ARHGAP35: variants seen among roughly 807,000 people sequenced by gnomAD.
The protein encoded by ARHGAP35 is Rho GTPase activating protein 35, also known as rho GTPase-activating protein 35.
In ARHGAP35, 15 loss-of-function variants were observed where a neutral mutation model predicts 111.1. The ratio of observed to expected loss-of-function variants is 0.13; its 90% CI spans 0.09 to 0.21. The LOEUF is 0.21. Among genes scored for constraint, ARHGAP35 ranks in the 10% least tolerant of loss-of-function variants. The pLI is 1.00. For missense variants in ARHGAP35, 1,262 were observed against 1,873.0 expected (o/e 0.67, Z 6.02); for synonymous variants, 643 against 710.3 (o/e 0.91, Z 1.51).
intron 1 of ARHGAP35, among the ~76,000 whole-genome samples, chr19:46,896,968 A>T (rs2056060605): frequency 6.6e-6 from 1 of 151,680 alleles, no homozygotes; most frequent in Admixed American, 6.6e-5. Context: ...ATCTTAGCTC[A>T]CTGCAACCTC....
chr19:46,978,607 TGTG>T (rs34906643), intron 3 of ARHGAP35, among the ~76,000 whole-genome samples: 17,035 of 88,578 alleles, frequency 0.19, 2,808 homozygotes, highest in East Asian at 0.38. Flanking sequence ...GGGGGTGTGG[TGTG>T]GTGTGTGTGG....
chr19:46,902,528 C>G (rs1599807964), intron 1 of ARHGAP35, among the ~76,000 whole-genome samples: 1 of 152,252 alleles, frequency 6.6e-6, no homozygotes, highest in East Asian at 1.9e-4. Context: ...TCTGTGCCAT[C>G]TGCTCCCGGC....
At chr19:46,978,593 T>TG (rs1184719981) in intron 3 of ARHGAP35, among the ~76,000 whole-genome samples, 8 of 77,910 alleles carry the variant, frequency 1.0e-4, no homozygotes, top group Non-Finnish European at 1.6e-4. Flanking sequence ...GTGGGGCGTG[T>TG]GGGGGGGGTG....
In ARHGAP35 at chr19:46,871,872, C is replaced by T. The variant is rs183588039; in HGVS notation, c.-189+10663C>T. Among the ~76,000 whole-genome samples, 7 of 151,722 alleles carry T rather than the reference C, an allele frequency of 4.6e-5. No individual in the cohort carries two copies. In the East Asian group the frequency reaches 7.9e-4, roughly 17 times the overall value. On this transcript the variant is annotated intron_variant, in intron 1 of 6. Coordinates refer to ENST00000672722, the MANE Select transcript of ARHGAP35 (RefSeq NM_004491.5). ...GCGGGTGCCTGTAATCCCAGCTACT[C>T]GGGAGGCTGAGGCAGGAGAATCGCA...
chr19:46,899,152 C>T (rs1008292324), intron 1 of ARHGAP35, among the ~76,000 whole-genome samples: 6 of 152,094 alleles, frequency 3.9e-5, no homozygotes, highest in Admixed American at 2.0e-4. Flanking sequence ...ATGCATTTCT[C>T]ATAACGGAGA....
At chr19:46,987,105 A>G (rs1351199877) in intron 3 of ARHGAP35, among the ~76,000 whole-genome samples, 1 of 151,292 alleles carries the variant, frequency 6.6e-6, no homozygotes, top group South Asian at 2.1e-4. Context: ...TGGGATTACA[A>G]GCATGAGCCA....
rs544758007 is a variant in ARHGAP35, at chr19:46,875,194, CAT to C, written c.-189+13990_-189+13991del. Among the ~76,000 whole-genome samples the C allele has an allele frequency of 1.5e-3, 234 of 152,262 alleles. 3 individuals are homozygous for C. The highest frequency in any genetic ancestry group is 5.3e-3 in the African/African-American group (220 of 41,510). On this transcript the variant is annotated intron_variant, in intron 1 of 6. Transcript: ENST00000672722. Reference sequence around the variant, plus strand: ...GTTTTTATTTAACAAGACGTCTACACATATATCTATTAAATATTTATTTACTG... The same window carrying C: ...GTTTTTATTTAACAAGACGTCTACACATATCTATTAAATATTTATTTACTG...
chr19:46,967,139 A>G (rs2056520461), intron 3 of ARHGAP35, among the ~76,000 whole-genome samples: 1 of 150,798 alleles, frequency 6.6e-6, no homozygotes, highest in Non-Finnish European at 1.5e-5. Flanking sequence ...AGATCCCTAG[A>G]ATTGTAAGGG....
At chr19:46,960,420 G>A (rs1568480234) in intron 3 of ARHGAP35, among the ~76,000 whole-genome samples, 1 of 152,172 alleles carries the variant, frequency 6.6e-6, no homozygotes, top group African/African-American at 2.4e-5. Flanking sequence ...TAGACCCCTA[G>A]ATTCCTGTGG....
chr19:46,995,058 G>A (rs968401081), intron 5 of ARHGAP35, among the ~76,000 whole-genome samples: 1 of 152,132 alleles, frequency 6.6e-6, no homozygotes, highest in African/African-American at 2.4e-5. Context: ...TGCCACACAG[G>A]GCACAGACAC....
rs199897795 is a variant in ARHGAP35, at chr19:46,919,654, C to G, written c.979C>G (p.Arg327Gly). 5.6e-6 allele frequency: 9 copies of G among 1,613,932 alleles called. No homozygotes were observed. The East Asian group carries it at 2.0e-4, about 36-fold the overall frequency. The change falls in exon 2 of 7, where the codon CGC becomes GGC. Residue 327 changes from arginine (R) to glycine (G), a missense_variant. Around this residue, in one of 8 missense-constraint regions of ARHGAP35, gnomAD observed 328 missense variants for 440.8 expected, o/e 0.74. Transcript: ENST00000672722. The surrounding 1 kb of genome is among the most constrained non-coding windows in gnomAD (Gnocchi z 6.2). ...GAAGCTGTTTCTACAGCACATCCAC[C>G]GCCTCAAGCATGAGCATATCGAGCG... ...AKKLFLQHIH[R>G]LKHEHIERRR...
chr19:46,904,938 G>A (rs780911602), intron 1 of ARHGAP35, among the ~76,000 whole-genome samples: 4 of 152,290 alleles, frequency 2.6e-5, no homozygotes, highest in African/African-American at 9.6e-5. Flanking sequence ...AGGGCAGTGC[G>A]GGGGAGTGGA....
chr19:46,892,143 A>G (rs1243916192), intron 1 of ARHGAP35, among the ~76,000 whole-genome samples: 3 of 149,924 alleles, frequency 2.0e-5, no homozygotes, highest in Non-Finnish European at 4.4e-5. Flanking sequence ...AAAAAAAAAA[A>G]AAAAGAAAAA....
At position 46,932,938 on chromosome 19, in the gene ARHGAP35, A is replaced by G. The variant is rs187641393; in HGVS notation, c.3682-4326A>G. 3.9e-5 allele frequency among the ~76,000 whole-genome samples: 6 copies of G among 152,214 alleles called. No homozygotes were observed. The East Asian group carries it at 5.8e-4, about 15-fold the overall frequency. ...CCTTCCGTCTCTCTTATCGCTCCCA[A>G]TGTGACCCTTTGGAGCCATGTAAAA... On this transcript the variant is annotated intron_variant, in intron 2 of 6. Transcript: ENST00000672722.
At chr19:46,877,391 T>C (rs1461372192) in intron 1 of ARHGAP35, among the ~76,000 whole-genome samples, 1 of 151,606 alleles carries the variant, frequency 6.6e-6, no homozygotes, top group Non-Finnish European at 1.5e-5. Flanking sequence ...GGTGAAACCC[T>C]GTCTCTACTA....
intron 1 of ARHGAP35, among the ~76,000 whole-genome samples, chr19:46,917,230 A>C (rs2056169396): frequency 6.6e-6 from 1 of 152,168 alleles, no homozygotes; most frequent in Non-Finnish European, 1.5e-5. Flanking sequence ...AAGTGGAATC[A>C]TATAGTATTT....
chr19:46,976,826 G>C lies in ARHGAP35; in HGVS notation c.3827-11163G>C, dbSNP rs546270667. Among the ~76,000 whole-genome samples the C allele has an allele frequency of 1.4e-3, 211 of 152,288 alleles. 1 individual carries two copies. The highest frequency in any genetic ancestry group is 4.9e-3 in the African/African-American group (202 of 41,560). On this transcript the variant is annotated intron_variant, in intron 3 of 6. Coordinates refer to ENST00000672722, the MANE Select transcript of ARHGAP35 (RefSeq NM_004491.5). ...GACTGTGCCATTGAATTATCACCTG[G>C]GGGCTCCGGTGGCCCTTGCTCTTGC... is the stretch of plus-strand genomic sequence containing the variant.
In ARHGAP35 at chr19:46,994,219, G is replaced by T. The variant is rs146240730; in HGVS notation, c.4036+4544G>T. ...GCCCTGTCCCAGTAGGGACACCAGG[G>T]AGCCCATTGCCCCTGCTGTTTCTTT... On this transcript the variant is annotated intron_variant, in intron 5 of 6. Transcript: ENST00000672722. This position sits in a 1 kb window ranked among gnomAD's most constrained non-coding sequence, Gnocchi z 5.4. Among the ~76,000 whole-genome samples, 770 of 152,252 alleles carry T rather than the reference G, an allele frequency of 5.1e-3. 9 individuals are homozygous for T. Among genetic ancestry groups the T allele is most frequent in the African/African-American group, 0.018 (756 of 41,564 alleles).
At chr19:46,912,045 CTTT>C (rs952290963) in intron 1 of ARHGAP35, among the ~76,000 whole-genome samples, 2 of 139,926 alleles carry the variant, frequency 1.4e-5, no homozygotes, top group Non-Finnish European at 1.6e-5. Flanking sequence ...CCCTTCTTTT[CTTT>C]TTTTTTTTTT....
Sources: allele counts gnomAD v4.1 joint callset (sites outside exome capture counted in the v4.1 genomes callset), GRCh38; gene constraint gnomAD v4.1.1; regional missense constraint gnomAD v4.1.1; non-coding constraint Gnocchi (gnomAD v3.1); transcripts MANE v1.5; gene names NCBI Gene and HGNC (gene_info 2026-07-23, HGNC 2026-07-21).